COG5: variants seen among roughly 807,000 people sequenced by gnomAD.
COG5 encodes conserved oligomeric Golgi complex subunit 5.
Under a neutral mutation model 110.4 loss-of-function variants are expected in COG5, and 86 were observed. That is an observed-to-expected ratio of 0.78 (90% CI 0.65 to 0.93). The LOEUF is 0.93. COG5 is among the 40% of genes least tolerant of loss of function. COG5 has a pLI of 0.00. For synonymous variants in COG5, 360 were observed against 334.6 expected, an observed-to-expected ratio of 1.08 and a Z score of -0.83; for missense variants, 1,077 against 987.0, an observed-to-expected ratio of 1.09 and a Z score of -1.22.
At chr7:107,328,036 AAT>A (rs1809919932) in intron 10 of COG5, among the ~76,000 whole-genome samples, 2 of 152,182 alleles carry the variant, frequency 1.3e-5, no homozygotes, top group African/African-American at 4.8e-5. Context: ...TAACAACCCA[AAT>A]GTCTATCAAA....
intron 6 of COG5, among the ~76,000 whole-genome samples, chr7:107,483,223 A>C (rs1430309515): frequency 6.6e-6 from 1 of 152,196 alleles, no homozygotes; most frequent in Non-Finnish European, 1.5e-5. Context: ...GGTATTACGG[A>C]AACACTACTC....
intron 6 of COG5, chr7:107,472,051 T>C (rs1033445685): frequency 7.9e-5 from 12 of 152,050 alleles, no homozygotes; most frequent in African/African-American, 2.7e-4. Context: ...TCCTTTTTTG[T>C]TTTCACATAT....
chr7:107,531,689 T>C (rs1295332471), intron 5 of COG5, among the ~76,000 whole-genome samples: 1 of 150,202 alleles, frequency 6.7e-6, no homozygotes, highest in Non-Finnish European at 1.5e-5. Context: ...TTTTTTGATA[T>C]CATTATGAAA....
At chr7:107,216,491 A>G (rs946309900) in intron 19 of COG5, among the ~76,000 whole-genome samples, 3 of 152,266 alleles carry the variant, frequency 2.0e-5, no homozygotes, top group Admixed American at 2.0e-4. Flanking sequence ...GATATGTCAT[A>G]TGTTAGGTCG....
intron 1 of COG5, among the ~76,000 whole-genome samples, chr7:107,558,910 A>G (rs1803544094): frequency 1.1e-5 from 1 of 92,752 alleles, no homozygotes; most frequent in Non-Finnish European, 2.0e-5. Context: ...AAAAGACTTC[A>G]TCTCAAAAAA....
intron 11 of COG5, among the ~76,000 whole-genome samples, chr7:107,318,452 T>C (rs1808958970): frequency 6.6e-6 from 1 of 152,212 alleles, no homozygotes; most frequent in Non-Finnish European, 1.5e-5. Flanking sequence ...TAAAAAACTT[T>C]TTAGAGTGAT....
intron 6 of COG5, among the ~76,000 whole-genome samples, chr7:107,421,387 CA>C (rs1340012668): frequency 6.6e-6 from 1 of 152,110 alleles, no homozygotes; most frequent in African/African-American, 2.4e-5. Flanking sequence ...CTCCACCAAG[CA>C]AAAACAATAC....
chr7:107,201,418 C>G lies in COG5; in HGVS notation c.*2098G>C. On this transcript the variant is annotated 3_prime_UTR_variant, in exon 22 of 22. Transcript: ENST00000297135. Reference sequence around the variant, plus strand: ...AGTTTAATTTTATTTCCACAGGGCTCACAACAACATTAAACCAGGATGCTT... The same window carrying G: ...AGTTTAATTTTATTTCCACAGGGCTGACAACAACATTAAACCAGGATGCTT... The G allele has an allele frequency of 6.3e-7, 1 of 1,576,000 alleles. No individual in the cohort carries two copies. The highest frequency in any genetic ancestry group is 8.7e-7 in the Non-Finnish European group (1 of 1,146,462).
At chr7:107,244,633 G>A (rs1370251469) in intron 17 of COG5, among the ~76,000 whole-genome samples, 1 of 151,440 alleles carries the variant, frequency 6.6e-6, no homozygotes, top group Non-Finnish European at 1.5e-5. Context: ...GGAAGAAAAT[G>A]TTACTACTGA....
intron 16 of COG5, among the ~76,000 whole-genome samples, chr7:107,249,480 T>TG (rs1802314261): frequency 6.6e-6 from 1 of 152,044 alleles, no homozygotes. Context: ...GCTTTTAGTG[T>TG]GAAAATAATG....
At chr7:107,494,099 A>T (rs1237881145) in intron 6 of COG5, among the ~76,000 whole-genome samples, 2 of 152,164 alleles carry the variant, frequency 1.3e-5, no homozygotes, top group East Asian at 3.8e-4. Context: ...TTTTATATAC[A>T]TAAAATTTAA....
chr7:107,251,055 T>G (rs1395058026), intron 16 of COG5, among the ~76,000 whole-genome samples: 1 of 139,466 alleles, frequency 7.2e-6, no homozygotes, highest in Non-Finnish European at 1.5e-5. Flanking sequence ...CCAAACAGGA[T>G]AATTTTGATG....
intron 7 of COG5, among the ~76,000 whole-genome samples, chr7:107,405,754 GGTGATA>G (rs202051175): frequency 0.02 from 2,985 of 152,288 alleles, 40 homozygotes; most frequent in Non-Finnish European, 0.03. Flanking sequence ...TAACTGCCAA[GGTGATA>G]GTATTAGAAG....
rs960434788 is a variant in COG5, at chr7:107,474,528, A to G, written c.538+52709T>C. 3 of 1,612,070 alleles carry G rather than the reference A, an allele frequency of 1.9e-6. No homozygotes were observed. The highest frequency in any genetic ancestry group is 8.5e-7 in the Non-Finnish European group (1 of 1,178,532). On this transcript the variant is annotated intron_variant, in intron 6 of 21. Coordinates refer to ENST00000297135, the MANE Select transcript of COG5 (RefSeq NM_006348.5). This position sits in a 1 kb window ranked among gnomAD's most constrained non-coding sequence, Gnocchi z 5.7. ...CAAACCGAATTCTGACAATGGGCAG[A>G]GCTGTAATGTTAATGATATCCATTT...
intron 16 of COG5, among the ~76,000 whole-genome samples, chr7:107,251,133 CAAAAAAAA>C (rs564589238): frequency 1.8e-5 from 1 of 54,854 alleles, no homozygotes; most frequent in Non-Finnish European, 4.3e-5. Flanking sequence ...TGAAACTAGC[CAAAAAAAA>C]AAAAAAAAAA....
At chr7:107,213,778 C>G (rs1799331710) in intron 19 of COG5, among the ~76,000 whole-genome samples, 3 of 152,154 alleles carry the variant, frequency 2.0e-5, no homozygotes. Context: ...TAAATCTATG[C>G]TAAAGAACAC....
chr7:107,366,254 T>A (rs1813601816), intron 8 of COG5, among the ~76,000 whole-genome samples: 2 of 151,686 alleles, frequency 1.3e-5, no homozygotes, highest in South Asian at 4.2e-4. Flanking sequence ...TAATACAAAA[T>A]GAAGTAAAAT....
At chr7:107,362,194 T>G in intron 9 of COG5, 84 bp from the exon 10 acceptor site, 1 of 1,312,336 alleles carries the variant, frequency 7.6e-7, no homozygotes, top group Non-Finnish European at 1.1e-6. Context: ...TATCATCAGC[T>G]AGTGGAGGTA....
intron 7 of COG5, among the ~76,000 whole-genome samples, chr7:107,378,772 G>A (rs1814847151): frequency 1.3e-5 from 2 of 152,116 alleles, no homozygotes; most frequent in Non-Finnish European, 2.9e-5. Context: ...AGGGCACTAG[G>A]AGAAAAGACC....
Sources: allele counts gnomAD v4.1 joint callset (sites outside exome capture counted in the v4.1 genomes callset), GRCh38; gene constraint gnomAD v4.1.1; non-coding constraint Gnocchi (gnomAD v3.1); transcripts MANE v1.5; gene names NCBI Gene and HGNC (gene_info 2026-07-23, HGNC 2026-07-21).